Variants in MGLL observed in about 807,000 individuals in gnomAD.
MGLL encodes lysophospholipase homolog.
MGLL carries 7 observed loss-of-function variants against 29.1 expected under a neutral mutation model. That is an observed-to-expected ratio of 0.24 (90% CI 0.14 to 0.45). The LOEUF is 0.45. MGLL is among the 20% of genes least tolerant of loss of function. The pLI is 0.99. For missense variants in MGLL, 356 were observed against 413.6 expected (o/e 0.86, Z 1.21); for synonymous variants, 148 against 168.3 (o/e 0.88, Z 0.93).
intron 5 of MGLL, among the ~76,000 whole-genome samples, chr3:127,718,799 T>C (rs757855222): frequency 1.3e-5 from 2 of 152,118 alleles, no homozygotes; most frequent in African/African-American, 2.4e-5. Context: ...TTCATATCTT[T>C]TGAATTTTGA....
intron 3 of MGLL, among the ~76,000 whole-genome samples, chr3:127,729,048 A>C (rs573471223): frequency 5.3e-4 from 81 of 151,630 alleles, no homozygotes; most frequent in Non-Finnish European, 6.9e-4. Context: ...AACATTTAGG[A>C]GCTGTTTGTA....
rs60028483 is a variant in MGLL at position 127,751,207 on chromosome 3, G to C, written c.263-28641C>G. On this transcript the variant is annotated intron_variant, in intron 3 of 7. Transcript: ENST00000265052. ...CACACTGCTCTCGGTCATTCGGTAG[G>C]CTGACTGCAAAAATGGCTTCAACTC... 6.6e-5 allele frequency among the ~76,000 whole-genome samples: 10 copies of C among 152,088 alleles called. No homozygotes were observed. In the East Asian group the frequency reaches 1.9e-3, roughly 29 times the overall value.
intron 6 of MGLL, among the ~76,000 whole-genome samples, chr3:127,695,755 A>T (rs72971394): frequency 0.14 from 21,886 of 152,086 alleles, 1,929 homozygotes; most frequent in East Asian, 0.29. Context: ...AAAAAAAATT[A>T]AAAAAAACGA....
intron 2 of MGLL, among the ~76,000 whole-genome samples, chr3:127,816,756 G>A (rs930611819): frequency 3.3e-5 from 5 of 152,208 alleles, no homozygotes; most frequent in South Asian, 2.1e-4. Context: ...GGCCTAGAAC[G>A]GGAGGGCTGT....
intron 2 of MGLL, among the ~76,000 whole-genome samples, chr3:127,816,795 C>A (rs373932253): frequency 8.5e-5 from 13 of 152,186 alleles, no homozygotes; most frequent in African/African-American, 2.9e-4. Flanking sequence ...GCCCCACTCC[C>A]GGGAGCAAGG....
chr3:127,692,027 G>A lies in MGLL; in HGVS notation c.*171C>T. 2.3e-6 allele frequency: 2 copies of A among 865,330 alleles called. No individual in the cohort carries two copies. Among genetic ancestry groups the A allele is most frequent in the Non-Finnish European group, 3.5e-6 (2 of 575,340 alleles). 53.6% of individuals were successfully genotyped at this position (865,330 alleles called of 1,614,324 possible). A position where few individuals can be genotyped will look rare whatever the true frequency, so the allele number is the denominator to read the frequency against. On this transcript the variant is annotated 3_prime_UTR_variant, in exon 8 of 8. Transcript: ENST00000265052. ...ATTAAGGTAGGTCCAGTGTCTGATAGTCTAATGTATAACAAAAATGTCTGT... is the reference window on the plus strand; with the variant it reads ...ATTAAGGTAGGTCCAGTGTCTGATAATCTAATGTATAACAAAAATGTCTGT...
In MGLL at chr3:127,690,317, G is replaced by C. The variant is rs1042931575; in HGVS notation, c.*1881C>G. 1.3e-5 allele frequency: 2 copies of C among 152,264 alleles called. No individual in the cohort carries two copies. The highest frequency in any genetic ancestry group is 4.8e-5 in the African/African-American group (2 of 41,458). The allele number at this position is 152,264 out of a possible 1,614,324, so 9.4% of individuals were successfully genotyped here. On this transcript the variant is annotated 3_prime_UTR_variant, in exon 8 of 8. Coordinates refer to ENST00000265052, the MANE Select transcript of MGLL (RefSeq NM_007283.7). Reference sequence around the variant, plus strand: ...GCCAGGGAGACAAGCTGGAGCTACAGAAGGTGCTCTGTGGGGACTTGGGCC... The same window carrying C: ...GCCAGGGAGACAAGCTGGAGCTACACAAGGTGCTCTGTGGGGACTTGGGCC...
chr3:127,775,926 C>T (rs995514232), intron 3 of MGLL, among the ~76,000 whole-genome samples: 1 of 152,242 alleles, frequency 6.6e-6, no homozygotes, highest in Non-Finnish European at 1.5e-5. Flanking sequence ...GAGACTGGCC[C>T]TTCTGCCTGC....
At chr3:127,710,908 G>A (rs921464615) in intron 5 of MGLL, 2 of 535,310 alleles carry the variant, frequency 3.7e-6, no homozygotes, top group South Asian at 2.0e-5. Flanking sequence ...TGCGCCCAAG[G>A]TGGGAAGTCA....
intron 2 of MGLL, 32 bp from the exon 3 acceptor site, chr3:127,781,927 A>G (rs1559966563): frequency 6.2e-7 from 1 of 1,608,014 alleles, no homozygotes. Flanking sequence ...CTGGTTAGGA[A>G]AGCCCACACG....
chr3:127,737,628 T>G (rs542445883), intron 3 of MGLL, among the ~76,000 whole-genome samples: 1 of 106,792 alleles, frequency 9.4e-6, no homozygotes, highest in Non-Finnish European at 1.8e-5. Flanking sequence ...CATCAACTGC[T>G]TCTTTTTTTT....
intron 2 of MGLL, among the ~76,000 whole-genome samples, chr3:127,809,394 G>A (rs555724956): frequency 5.3e-4 from 80 of 152,246 alleles, no homozygotes; most frequent in African/African-American, 1.7e-3. Context: ...TGGAGGCTGA[G>A]GAGATAGGAT....
At chr3:127,752,416 C>G (rs905992941) in intron 3 of MGLL, among the ~76,000 whole-genome samples, 15 of 152,178 alleles carry the variant, frequency 9.9e-5, no homozygotes, top group African/African-American at 3.4e-4. Flanking sequence ...TGTTTTATGG[C>G]CTTCTTTTTC....
intron 3 of MGLL, among the ~76,000 whole-genome samples, chr3:127,760,651 C>T (rs1010218476): frequency 4.6e-5 from 7 of 152,224 alleles, no homozygotes; most frequent in African/African-American, 9.6e-5. Context: ...CAGGGCCACT[C>T]GCCTGGGGGC....
rs376135237 is a variant in MGLL, at chr3:127,710,599, C to T, written c.577G>A (p.Val193Met). The T allele has an allele frequency of 1.0e-5, 16 of 1,567,896 alleles. No homozygotes were observed. Among genetic ancestry groups the T allele is most frequent in the South Asian group, 1.2e-5 (1 of 85,202 alleles). The stretch of plus-strand genomic sequence containing the variant: ...ACCTCTGTCTTATTCCGAGAGAGCA[C>T]GCTGGAGTCGATGGGCCCGAGGGAC... ...NLSLGPIDSSVLSRNKTEVDI... is the reference protein window; with the variant it reads ...NLSLGPIDSSMLSRNKTEVDI... Residue 193 changes from valine (V) to methionine (M), a missense_variant, in exon 6 of 8, where the codon GTG (valine) becomes ATG (methionine). Coordinates refer to ENST00000265052, the MANE Select transcript of MGLL (RefSeq NM_007283.7).
chr3:127,727,704 TA>T (rs1177079179), intron 3 of MGLL, among the ~76,000 whole-genome samples: 11,144 of 80,390 alleles, frequency 0.14, 405 homozygotes, highest in African/African-American at 0.2. Flanking sequence ...AGAGCAAGGC[TA>T]AAAAAAAAAA....
At chr3:127,707,320 A>G (rs2107601552) in intron 6 of MGLL, among the ~76,000 whole-genome samples, 2 of 152,338 alleles carry the variant, frequency 1.3e-5, no homozygotes, top group Middle Eastern at 3.4e-3. Flanking sequence ...GGCTGAGGGC[A>G]TGGGCAGATG....
chr3:127,776,324 C>T (rs914750832), intron 3 of MGLL, among the ~76,000 whole-genome samples: 4 of 152,092 alleles, frequency 2.6e-5, no homozygotes, highest in African/African-American at 4.8e-5. Flanking sequence ...CTTTTAAAAT[C>T]CTGATGCCCA....
intron 3 of MGLL, among the ~76,000 whole-genome samples, chr3:127,740,768 G>T (rs1310310199): frequency 6.6e-6 from 1 of 152,254 alleles, no homozygotes; most frequent in African/African-American, 2.4e-5. Flanking sequence ...GGTGAGGCTT[G>T]CAGGGGCCAA....
Sources: allele counts gnomAD v4.1 joint callset (sites outside exome capture counted in the v4.1 genomes callset), GRCh38; gene constraint gnomAD v4.1.1; transcripts MANE v1.5; gene names NCBI Gene and HGNC (gene_info 2026-07-23, HGNC 2026-07-21).